NR2C2: variants seen among roughly 807,000 people sequenced by gnomAD.
NR2C2 encodes nuclear receptor subfamily 2 group C member 2, also known as Nuclear hormone receptor TR4.
A neutral mutation model predicts 62.9 loss-of-function variants in NR2C2; 6 were observed. The ratio of observed to expected loss-of-function variants is 0.10; its 90% CI spans 0.05 to 0.19. NR2C2 has a LOEUF of 0.19. Ranked by LOEUF, NR2C2 falls within the 10% of genes least tolerant of loss-of-function variation. The probability of loss-of-function intolerance (pLI) is 1.00; values close to 1 mark genes in which losing one functional copy is unlikely to be tolerated. For synonymous variants in NR2C2, 272 were observed against 273.8 expected (o/e 0.99, Z 0.07); for missense variants, 479 against 762.7 (o/e 0.63, Z 4.38).
At chr3:15,006,496 G>T (rs2041175630) in intron 2 of NR2C2, among the ~76,000 whole-genome samples, 1 of 152,126 alleles carries the variant, frequency 6.6e-6, no homozygotes. Flanking sequence ...GGGCAGGTGG[G>T]TATGTGTGTG....
chr3:15,031,083 C>T (rs144603801), intron 9 of NR2C2, among the ~76,000 whole-genome samples: 1 of 152,174 alleles, frequency 6.6e-6, no homozygotes, highest in African/African-American at 2.4e-5. Flanking sequence ...CTCTCTGTGA[C>T]TGCCTGGCTG....
At chr3:15,000,237 A>G (rs1173097230) in intron 1 of NR2C2, among the ~76,000 whole-genome samples, 3 of 152,104 alleles carry the variant, frequency 2.0e-5, no homozygotes, top group African/African-American at 7.2e-5. Context: ...TGATTCTTTT[A>G]GATTCCACAT....
In NR2C2 at chr3:15,043,546, A is replaced by G. The variant is rs1052429044; in HGVS notation, c.*538A>G. ...GATTTCTGTGAAAACTCACTAGGGT[A>G]CAGGAGACAATCATTTATGTTTAAG... is the stretch of plus-strand genomic sequence containing the variant. On this transcript the variant is annotated 3_prime_UTR_variant, in exon 14 of 14. Coordinates refer to ENST00000425241, the MANE Select transcript of NR2C2 (RefSeq NM_001291694.2). 5 of 152,682 alleles carry G rather than the reference A, an allele frequency of 3.3e-5. No individual in the cohort carries two copies. Among genetic ancestry groups the G allele is most frequent in the African/African-American group, 9.6e-5 (4 of 41,456 alleles). 9.5% of individuals were successfully genotyped at this position (152,682 alleles called of 1,614,324 possible).
rs1222321438 is a variant in NR2C2, at chr3:15,020,743, C to G, written c.377-10C>G. 6 of 1,611,842 alleles carry G rather than the reference C, an allele frequency of 3.7e-6. No homozygotes were observed. Among genetic ancestry groups the G allele is most frequent in the East Asian group, 4.5e-5 (2 of 44,848 alleles). On this transcript the variant is annotated splice_polypyrimidine_tract_variant and intron_variant, in intron 4 of 13. Transcript: ENST00000425241. ...CACAAAATATTTGTGTATTCTTTCT[C>G]CTGTTTCAGGCCGTCACTATGGGGC...
At chr3:14,963,946 T>A (rs1447006757) in intron 1 of NR2C2, among the ~76,000 whole-genome samples, 1 of 152,158 alleles carries the variant, frequency 6.6e-6, no homozygotes, top group Non-Finnish European at 1.5e-5. Context: ...AAATAATGGT[T>A]AATATTAACT....
intron 9 of NR2C2, among the ~76,000 whole-genome samples, chr3:15,030,685 G>T (rs1198791608): frequency 6.6e-6 from 1 of 152,168 alleles, no homozygotes; most frequent in East Asian, 1.9e-4. Context: ...AAAATTAGTC[G>T]GGCATGGAGG....
intron 2 of NR2C2, among the ~76,000 whole-genome samples, chr3:15,006,268 T>C (rs969040112): frequency 6.6e-6 from 1 of 152,142 alleles, no homozygotes; most frequent in African/African-American, 2.4e-5. Context: ...AAGTAAAAGA[T>C]TTATTTACCA....
Position 15,048,525 on chromosome 3 carries a change from T to G in NR2C2, c.*5517T>G, listed in dbSNP as rs1031488347. 1.3e-5 allele frequency: 2 copies of G among 152,662 alleles called. No individual in the cohort carries two copies. Among genetic ancestry groups the G allele is most frequent in the Admixed American group, 6.5e-5 (1 of 15,290 alleles). The allele number at this position is 152,662 out of a possible 1,614,324, so 9.5% of individuals were successfully genotyped here. A position where few individuals can be genotyped will look rare whatever the true frequency, so the allele number is the denominator to read the frequency against. On this transcript the variant is annotated 3_prime_UTR_variant, in exon 14 of 14. Coordinates refer to ENST00000425241, the MANE Select transcript of NR2C2 (RefSeq NM_001291694.2). ...ATACATGCAAAATAGAAAAAAAATG[T>G]TCAACATTTATTGATTGATAGACTG...
At position 14,968,701 on chromosome 3, in the gene NR2C2, CATT is replaced by C. The variant is rs1269693523; in HGVS notation, c.-40+20799_-40+20801del. ...ACATGCACACGTATGTTTATTGCGG[CATT>C]ATTCACAATAGCAAAGACTTGGACC... On this transcript the variant is annotated intron_variant, in intron 1 of 13. Coordinates refer to ENST00000425241, the MANE Select transcript of NR2C2 (RefSeq NM_001291694.2). Among the ~76,000 whole-genome samples the C allele has an allele frequency of 4.9e-5, 7 of 144,212 alleles. No individual in the cohort carries two copies. In the South Asian group the frequency reaches 8.7e-4, roughly 18 times the overall value. 94.6% of individuals were successfully genotyped at this position (144,212 alleles called of 152,430 possible). A position where few individuals can be genotyped will look rare whatever the true frequency, so the allele number is the denominator to read the frequency against.
chr3:15,017,757 G>T (rs534938290), intron 4 of NR2C2, among the ~76,000 whole-genome samples: 1 of 152,332 alleles, frequency 6.6e-6, no homozygotes, highest in East Asian at 1.9e-4. Flanking sequence ...AAAAGACTGA[G>T]TTATTCCAGA....
chr3:14,995,668 C>CGTGTGT (rs58878848), intron 1 of NR2C2, among the ~76,000 whole-genome samples: 1,636 of 148,586 alleles, frequency 0.011, 24 homozygotes, highest in African/African-American at 0.034. Flanking sequence ...GTTTTCATTA[C>CGTGTGT]GTGTGTGTGT....
intron 1 of NR2C2, among the ~76,000 whole-genome samples, chr3:14,956,617 C>T (rs1252935561): frequency 6.6e-6 from 1 of 152,100 alleles, no homozygotes; most frequent in African/African-American, 2.4e-5. Flanking sequence ...AATCTCAGCT[C>T]ACTGCAACCT....
rs1211206918 is a variant in NR2C2, at chr3:14,969,174, A to G, written c.-40+21268A>G. 5.9e-5 allele frequency among the ~76,000 whole-genome samples: 9 copies of G among 151,960 alleles called. No individual in the cohort carries two copies. The South Asian group carries it at 8.3e-4, about 14-fold the overall frequency. On this transcript the variant is annotated intron_variant, in intron 1 of 13. Transcript: ENST00000425241. ...AAAAAAGAAAAAAAAATTTCCCTCT[A>G]TAACTGGAAATTTAAAGCAGACATA...
chr3:15,029,003 G>A (rs560112518), intron 8 of NR2C2, among the ~76,000 whole-genome samples: 1 of 152,132 alleles, frequency 6.6e-6, no homozygotes, highest in East Asian at 1.9e-4. Context: ...GTGGACAGCG[G>A]TTATTTGTAT....
chr3:14,949,463 CTT>C (rs1411565649), intron 1 of NR2C2, among the ~76,000 whole-genome samples: 1 of 152,220 alleles, frequency 6.6e-6, no homozygotes, highest in Non-Finnish European at 1.5e-5. Flanking sequence ...CATTATCCCA[CTT>C]TGTTTCCAAG....
At chr3:15,001,762 C>T (rs544446193) in intron 1 of NR2C2, among the ~76,000 whole-genome samples, 5 of 152,112 alleles carry the variant, frequency 3.3e-5, no homozygotes, top group Non-Finnish European at 7.4e-5. Flanking sequence ...GACTTACAGG[C>T]ACGTACCACC....
At chr3:15,004,223 CTTA>C (rs2041103661) in intron 2 of NR2C2, among the ~76,000 whole-genome samples, 1 of 152,170 alleles carries the variant, frequency 6.6e-6, no homozygotes, top group Admixed American at 6.5e-5. Context: ...CATTTTATTA[CTTA>C]TTTGCTTCTA....
rs549701403 is a variant in NR2C2, at chr3:14,966,046, A to G, written c.-40+18140A>G. Among the ~76,000 whole-genome samples the G allele has an allele frequency of 5.3e-5, 8 of 152,322 alleles. No individual in the cohort carries two copies. In the East Asian group the frequency reaches 1.2e-3, roughly 22 times the overall value. On this transcript the variant is annotated intron_variant, in intron 1 of 13. Transcript: ENST00000425241. ...AGCTTAGTAATTTTAAACTGCATAT[A>G]ATAACTATATATAATATTTGATTAG...
chr3:15,032,633 T>A, intron 10 of NR2C2, 133 bp downstream of exon 10: 5 of 1,045,622 alleles, frequency 4.8e-6, no homozygotes, highest in Non-Finnish European at 7.0e-6. Flanking sequence ...CTGAGTTTTT[T>A]ATTAAATATA....
Sources: gnomAD v4.1 joint callset for allele counts (sites outside exome capture counted in the v4.1 genomes callset) on GRCh38, gnomAD v4.1.1 for gene constraint, MANE v1.5 for transcripts, NCBI Gene and HGNC (gene_info 2026-07-23, HGNC 2026-07-21) for gene names.